The following ZHX2 variants were observed in gnomAD, a reference collection of about 807,000 sequenced individuals.
The protein encoded by ZHX2 is zinc fingers and homeoboxes protein 2.
In ZHX2, 6 loss-of-function variants were observed where a neutral mutation model predicts 21.9. The ratio of observed to expected loss-of-function variants is 0.27; its 90% CI spans 0.15 to 0.54. The LOEUF is 0.54. Among genes scored for constraint, ZHX2 ranks in the 20% least tolerant of loss-of-function variants. The probability of loss-of-function intolerance (pLI) is 0.95; values close to 1 mark genes in which losing one functional copy is unlikely to be tolerated. For synonymous variants in ZHX2, 434 were observed against 437.1 expected (o/e 0.99, Z 0.09); for missense variants, 908 against 1,090.7 (o/e 0.83, Z 2.36).
intron 1 of ZHX2, among the ~76,000 whole-genome samples, chr8:122,822,249 G>A (rs574199732): frequency 2.2e-4 from 34 of 152,290 alleles, no homozygotes; most frequent in African/African-American, 8.2e-4. Context: ...GCGAGTGAAG[G>A]GGATTTTCTG....
At chr8:122,892,710 A>G (rs1820011272) in intron 2 of ZHX2, among the ~76,000 whole-genome samples, 1 of 152,120 alleles carries the variant, frequency 6.6e-6, no homozygotes, top group South Asian at 2.1e-4. Context: ...TTTGAGACAG[A>G]GTCTCGCACT....
chr8:122,951,103 C>A (rs914360836), intron 2 of ZHX2, among the ~76,000 whole-genome samples, 189 bp from the exon 3 acceptor site: 12 of 151,974 alleles, frequency 7.9e-5, no homozygotes, highest in African/African-American at 2.9e-4. Context: ...GTTTTCACCT[C>A]CTTCCAAAAA....
At chr8:122,959,510 A>T (rs1231447221) in intron 3 of ZHX2, among the ~76,000 whole-genome samples, 2 of 152,174 alleles carry the variant, frequency 1.3e-5, no homozygotes, top group Non-Finnish European at 2.9e-5. Context: ...ATATATCATT[A>T]ATCTCTGAAT....
In ZHX2 at chr8:122,851,921, C is replaced by T. The variant is rs537901421; in HGVS notation, c.-282-11556C>T. Among the ~76,000 whole-genome samples the T allele has an allele frequency of 6.6e-5, 10 of 152,320 alleles. No homozygotes were observed. In the East Asian group the frequency reaches 1.7e-3, roughly 26 times the overall value. On this transcript the variant is annotated intron_variant, in intron 1 of 3. Coordinates refer to ENST00000314393, the MANE Select transcript of ZHX2 (RefSeq NM_014943.5). ...AGTGAAAGACATTTGGAAATGGAAA[C>T]GCATTGCGTGAAAGTACCAGAAGGA...
intron 1 of ZHX2, among the ~76,000 whole-genome samples, chr8:122,845,637 G>A (rs1308483539): frequency 2.6e-5 from 4 of 152,204 alleles, no homozygotes; most frequent in Non-Finnish European, 5.9e-5. Flanking sequence ...GAACACAAAA[G>A]CCCAATTATA....
chr8:122,840,565 C>A (rs936198128), intron 1 of ZHX2, among the ~76,000 whole-genome samples: 2 of 152,198 alleles, frequency 1.3e-5, no homozygotes, highest in African/African-American at 4.8e-5. Flanking sequence ...TTACACTTGT[C>A]ATTACATTGC....
At chr8:122,934,951 G>T (rs1425909047) in intron 2 of ZHX2, among the ~76,000 whole-genome samples, 1 of 152,160 alleles carries the variant, frequency 6.6e-6, no homozygotes, top group African/African-American at 2.4e-5. Flanking sequence ...GCCTCCCAAA[G>T]TTCTGGGATT....
At position 122,828,201 on chromosome 8, in the gene ZHX2, A is replaced by G. The variant is rs920233658; in HGVS notation, c.-282-35276A>G. Among the ~76,000 whole-genome samples, 1 of 152,214 alleles carries G rather than the reference A, an allele frequency of 6.6e-6. No homozygotes were observed. Among genetic ancestry groups the G allele is most frequent in the African/African-American group, 2.4e-5 (1 of 41,468 alleles). On this transcript the variant is annotated intron_variant, in intron 1 of 3. Coordinates refer to ENST00000314393, the MANE Select transcript of ZHX2 (RefSeq NM_014943.5). The surrounding 1 kb of genome is among the most constrained non-coding windows in gnomAD (Gnocchi z 5.2). ...TGGCCAGGAGAGCAGAGGCGAGTGC[A>G]GCGTATATGGAACAAAAGCACCCCT...
chr8:122,781,084 A>G (rs1817268708), upstream of ZHX2: 1 of 152,100 alleles, frequency 6.6e-6, no homozygotes. This position sits in a 1 kb window ranked among gnomAD's most constrained non-coding sequence, Gnocchi z 4.6. Flanking sequence ...TAGTTTTAAA[A>G]TCGTTATTAT....
intron 2 of ZHX2, among the ~76,000 whole-genome samples, chr8:122,901,158 G>A (rs781669849): frequency 3.3e-5 from 5 of 152,060 alleles, no homozygotes; most frequent in South Asian, 2.1e-4. Flanking sequence ...TGTCTAGAGC[G>A]CAACTCATAA....
rs757957518 is a variant in ZHX2 at position 122,952,187 on chromosome 8, T to C, written c.677T>C (p.Leu226Pro). The C allele has an allele frequency of 1.4e-5, 23 of 1,611,568 alleles. No homozygotes were observed. Among genetic ancestry groups the C allele is most frequent in the Non-Finnish European group, 1.9e-5 (23 of 1,179,638 alleles). The part of the protein sequence containing the change: ...ARLVTDTAEI[L>P]SRLGGVELLQ... ...CTGGTGACAGACACAGCTGAGATCC[T>C]CTCGAGACTCGGCGGGGTGGAGCTC... The change falls in exon 3 of 4, where the codon CTC becomes CCC. Residue 226 changes from leucine to proline, a missense_variant. Around this residue, in one of 4 missense-constraint regions of ZHX2, gnomAD observed 220 missense variants for 251.4 expected, o/e 0.88. Transcript: ENST00000314393. This position sits in a 1 kb window ranked among gnomAD's most constrained non-coding sequence, Gnocchi z 6.9.
At chr8:122,965,687 C>T (rs534138040) in intron 3 of ZHX2, among the ~76,000 whole-genome samples, 7 of 151,982 alleles carry the variant, frequency 4.6e-5, no homozygotes, top group African/African-American at 7.2e-5. Flanking sequence ...GTGTAGTTTG[C>T]GTCTGTTGTT....
In ZHX2 at chr8:122,953,469, T is replaced by TA; in HGVS notation, c.1960dup (p.Thr654AsnfsTer18). On this transcript the variant is annotated frameshift_variant, in exon 3 of 4. Coordinates refer to ENST00000314393, the MANE Select transcript of ZHX2 (RefSeq NM_014943.5). LOFTEE classifies it low-confidence loss of function (END_TRUNC). This position sits in a 1 kb window ranked among gnomAD's most constrained non-coding sequence, Gnocchi z 4.6. The stretch of plus-strand genomic sequence containing the variant: ...GCACGTTTGCAAGAACCCAGTGGCC[T>TA]ACTCCCCAGGAGTACGACCAGTTAG... 6.2e-7 allele frequency: 1 copy of TA among 1,614,226 alleles called. No individual in the cohort carries two copies. The highest frequency in any genetic ancestry group is 8.5e-7 in the Non-Finnish European group (1 of 1,180,040).
At chr8:122,877,496 C>T (rs551575323) in intron 2 of ZHX2, among the ~76,000 whole-genome samples, 1 of 152,304 alleles carries the variant, frequency 6.6e-6, no homozygotes, top group African/African-American at 2.4e-5. Flanking sequence ...TTATCCTCAC[C>T]TTGCAAATGA....
chr8:122,918,473 G>T (rs1426429589), intron 2 of ZHX2, among the ~76,000 whole-genome samples: 7 of 152,142 alleles, frequency 4.6e-5, no homozygotes, highest in Admixed American at 4.6e-4. Flanking sequence ...TCTCGCCTTT[G>T]CCTTGCCCCT....
chr8:122,846,917 C>T (rs370240302), intron 1 of ZHX2, among the ~76,000 whole-genome samples: 2 of 152,072 alleles, frequency 1.3e-5, no homozygotes, highest in Non-Finnish European at 2.9e-5. Flanking sequence ...GGCCAAGGAA[C>T]GTAGCAGCCA....
At chr8:122,806,120 C>T (rs998050075) in intron 1 of ZHX2, among the ~76,000 whole-genome samples, 1 of 152,192 alleles carries the variant, frequency 6.6e-6, no homozygotes, top group Non-Finnish European at 1.5e-5. Flanking sequence ...TGCCTTTTTA[C>T]TTACCTGCAA....
chr8:122,856,945 G>A (rs900776767), intron 1 of ZHX2, among the ~76,000 whole-genome samples: 3 of 152,056 alleles, frequency 2.0e-5, no homozygotes, highest in Admixed American at 2.0e-4. Flanking sequence ...CCAAACCCTG[G>A]GAAGATCTGG....
At chr8:122,897,463 T>C (rs1043364053) in intron 2 of ZHX2, among the ~76,000 whole-genome samples, 1 of 152,302 alleles carries the variant, frequency 6.6e-6, no homozygotes, top group East Asian at 1.9e-4. Context: ...AGTCTAATTG[T>C]TTCTGGAGAA....
Sources: gnomAD v4.1 joint callset for allele counts (sites outside exome capture counted in the v4.1 genomes callset) on GRCh38, gnomAD v4.1.1 for gene constraint, gnomAD v4.1.1 regional missense constraint, Gnocchi (gnomAD v3.1) non-coding constraint, MANE v1.5 for transcripts, NCBI Gene and HGNC (gene_info 2026-07-23, HGNC 2026-07-21) for gene names.